The following POLR1B variants were observed in gnomAD, a reference collection of about 807,000 sequenced individuals.
POLR1B encodes the protein RNA polymerase I subunit B, also known as DNA-directed RNA polymerase I subunit RPA2.
A neutral mutation model predicts 105.8 loss-of-function variants in POLR1B; 30 were observed. The ratio of observed to expected loss-of-function variants is 0.28; its 90% CI spans 0.21 to 0.38. The LOEUF is 0.38. Ranked by LOEUF, POLR1B falls within the 10% of genes least tolerant of loss-of-function variation. POLR1B has a pLI of 1.00. For missense variants in POLR1B, 976 were observed against 1,435.8 expected (o/e 0.68, Z 5.17); for synonymous variants, 485 against 505.1 (o/e 0.96, Z 0.53).
chr2:112,569,856 G>C (rs1684500497), intron 12 of POLR1B, among the ~76,000 whole-genome samples: 1 of 151,806 alleles, frequency 6.6e-6, no homozygotes, highest in South Asian at 2.1e-4. Flanking sequence ...ACTGCGCCCG[G>C]CCTCAAATTT....
chr2:112,555,056 C>T (rs1683584597), intron 7 of POLR1B, among the ~76,000 whole-genome samples: 1 of 152,206 alleles, frequency 6.6e-6, no homozygotes, highest in African/African-American at 2.4e-5. Context: ...TGGCATGCTG[C>T]AGCAATTCCA....
Position 112,564,389 on chromosome 2 carries a change from C to G in POLR1B, c.1636C>G (p.Pro546Ala). ...NLGVTPIDGAPHRSYSECYPV... is the reference protein window; with the variant it reads ...NLGVTPIDGAAHRSYSECYPV... The stretch of plus-strand genomic sequence containing the variant: ...AGGGGTCACTCCCATTGATGGAGCT[C>G]CCCACCGATCATACAGTGAGTGCTA... Residue 546 changes from proline (P) to alanine (A), a missense_variant, in exon 10 of 15, where the codon CCC (proline) becomes GCC (alanine). Around this residue, in one of 12 missense-constraint regions of POLR1B, gnomAD observed 184 missense variants for 197.4 expected, o/e 0.93. Coordinates refer to ENST00000263331, the MANE Select transcript of POLR1B (RefSeq NM_019014.6). The G allele has an allele frequency of 6.2e-7, 1 of 1,614,188 alleles. No individual in the cohort carries two copies. The highest frequency in any genetic ancestry group is 8.5e-7 in the Non-Finnish European group (1 of 1,180,018).
In POLR1B at chr2:112,578,649, T is replaced by C. The variant is rs1293717583; in HGVS notation, c.*2920T>C. On this transcript the variant is annotated 3_prime_UTR_variant, in exon 15 of 15. Transcript: ENST00000263331. ...AGCTGATCTGAACAATCAGGTATAA[T>C]AGTCCCCCTTTATCTTTGAAGATTA... Among the ~76,000 whole-genome samples, 3 of 152,204 alleles carry C rather than the reference T, an allele frequency of 2.0e-5. No homozygotes were observed. Among genetic ancestry groups the C allele is most frequent in the East Asian group, 3.8e-4 (2 of 5,204 alleles).
At chr2:112,561,144 G>T (rs981632105) in intron 9 of POLR1B, among the ~76,000 whole-genome samples, 1 of 151,994 alleles carries the variant, frequency 6.6e-6, no homozygotes, top group African/African-American at 2.4e-5. Context: ...AGATTCAGAA[G>T]ATGTAATCAG....
At chr2:112,545,149 A>C (rs560419467) in intron 1 of POLR1B, among the ~76,000 whole-genome samples, 1 of 152,338 alleles carries the variant, frequency 6.6e-6, no homozygotes, top group East Asian at 1.9e-4. Context: ...TAAAGTATTA[A>C]AGTTCTGTAT....
chr2:112,566,817 C>T (rs1463931793), intron 10 of POLR1B, among the ~76,000 whole-genome samples: 2 of 151,730 alleles, frequency 1.3e-5, no homozygotes, highest in Non-Finnish European at 2.9e-5. Context: ...ACTGCAGCCT[C>T]CGCCTCCCAT....
In POLR1B at chr2:112,577,810, C is replaced by G. The variant is rs1189937053; in HGVS notation, c.*2081C>G. On this transcript the variant is annotated 3_prime_UTR_variant, in exon 15 of 15. Coordinates refer to ENST00000263331, the MANE Select transcript of POLR1B (RefSeq NM_019014.6). ...TTGTGCCACCACACTCCAGCCTGGG[C>G]GACAGAATGAGACCCTGTCTCAAAA... Among the ~76,000 whole-genome samples the G allele has an allele frequency of 2.5e-5, 3 of 119,074 alleles. No individual in the cohort carries two copies. Among genetic ancestry groups the G allele is most frequent in the Admixed American group, 1.1e-4 (1 of 8,902 alleles). The allele number at this position is 119,074 out of a possible 152,430, so 78.1% of individuals were successfully genotyped here.
Position 112,577,599 on chromosome 2 carries a change from C to T in POLR1B, c.*1870C>T, listed in dbSNP as rs1356598336. 2.6e-5 allele frequency among the ~76,000 whole-genome samples: 4 copies of T among 151,512 alleles called. No individual in the cohort carries two copies. Among genetic ancestry groups the T allele is most frequent in the Non-Finnish European group, 5.9e-5 (4 of 67,928 alleles). ...GTGTGGTGGCTCACACCCATAATCC[C>T]AACACTTTGGCTCAGCAGATTGCTT... On this transcript the variant is annotated 3_prime_UTR_variant, in exon 15 of 15. Transcript: ENST00000263331.
At chr2:112,543,444 C>T (rs1050184562) in intron 1 of POLR1B, among the ~76,000 whole-genome samples, 4 of 152,178 alleles carry the variant, frequency 2.6e-5, no homozygotes, top group Non-Finnish European at 5.9e-5. Flanking sequence ...GTGTGGGCTA[C>T]TGCGGGAGCC....
In POLR1B at chr2:112,578,532, T is replaced by G. The variant is rs536324741; in HGVS notation, c.*2803T>G. ...TATTGCTACACAGTACTCCATAGTA[T>G]GAATATACTATGTACATAGCATATA... On this transcript the variant is annotated 3_prime_UTR_variant, in exon 15 of 15. Coordinates refer to ENST00000263331, the MANE Select transcript of POLR1B (RefSeq NM_019014.6). 6.6e-6 allele frequency among the ~76,000 whole-genome samples: 1 copy of G among 152,334 alleles called. No homozygotes were observed.
chr2:112,556,974 C>T (rs1476686397), intron 7 of POLR1B, among the ~76,000 whole-genome samples: 1 of 152,184 alleles, frequency 6.6e-6, no homozygotes, highest in Non-Finnish European at 1.5e-5. Context: ...GAAATCCCCT[C>T]TTCTAGCTTT....
intron 5 of POLR1B, 48 bp from the exon 6 acceptor site, chr2:112,551,727 G>A: frequency 7.0e-7 from 1 of 1,431,630 alleles, no homozygotes; most frequent in South Asian, 1.2e-5. Flanking sequence ...AATAGATAAA[G>A]TATTTTAGTT....
rs1478645758 is a variant in POLR1B at position 112,578,750 on chromosome 2, T to G, written c.*3021T>G. Among the ~76,000 whole-genome samples the G allele has an allele frequency of 6.6e-6, 1 of 152,186 alleles. No individual in the cohort carries two copies. The highest frequency in any genetic ancestry group is 1.5e-5 in the Non-Finnish European group (1 of 68,042). On this transcript the variant is annotated 3_prime_UTR_variant, in exon 15 of 15. Transcript: ENST00000263331. ...ATCCATATGTGCTATATGTACTATA[T>G]GTCCTCTATATATTTTTTCTATACA...
upstream of POLR1B, chr2:112,542,326 T>C (rs1332865184): frequency 3.0e-5 from 46 of 1,535,996 alleles, no homozygotes; most frequent in Non-Finnish European, 1.6e-5. Context: ...TGGTTCTACG[T>C]TGACCCCGAG....
chr2:112,547,387 C>T, intron 2 of POLR1B, 34 bp from the exon 3 acceptor site: 1 of 1,599,162 alleles, frequency 6.3e-7, no homozygotes, highest in South Asian at 1.1e-5. Flanking sequence ...GCAGATATTT[C>T]TGTTAAGTAA....
At chr2:112,565,917 A>G (rs1367358239) in intron 10 of POLR1B, among the ~76,000 whole-genome samples, 2 of 152,148 alleles carry the variant, frequency 1.3e-5, no homozygotes, top group Non-Finnish European at 2.9e-5. Flanking sequence ...GAAGCCACCT[A>G]GATGCTGCCA....
chr2:112,558,578 G>C (rs1683792598), intron 8 of POLR1B, among the ~76,000 whole-genome samples: 1 of 151,564 alleles, frequency 6.6e-6, no homozygotes, highest in Non-Finnish European at 1.5e-5. Context: ...AAAAGAGAAT[G>C]ACCCTAGAAA....
Position 112,573,691 on chromosome 2 carries a change from C to T in POLR1B, c.2401C>T (p.Pro801Ser). ...GGTGTTTGGCATCAAACCTGGTGACCCACGCGTTCTGCAGAAGTTAGATGA... is the reference window on the plus strand; with the variant it reads ...GGTGTTTGGCATCAAACCTGGTGACTCACGCGTTCTGCAGAAGTTAGATGA... The part of the protein sequence containing the change: ...SLVFGIKPGD[P>S]RVLQKLDDDG... The change falls in exon 14 of 15, where the codon CCA becomes TCA. Residue 801 changes from proline to serine, a missense_variant. Pro to Ser is a moderately conservative substitution (Grantham distance 74, BLOSUM62 -1). This residue lies in a region of POLR1B where 119 missense variants were observed against 149.7 expected (regional missense o/e 0.79). Coordinates refer to ENST00000263331, the MANE Select transcript of POLR1B (RefSeq NM_019014.6). 1.2e-6 allele frequency: 2 copies of T among 1,614,124 alleles called. No individual in the cohort carries two copies. Among genetic ancestry groups the T allele is most frequent in the Non-Finnish European group, 1.7e-6 (2 of 1,180,034 alleles).
rs979668564 is a variant in POLR1B, at chr2:112,578,796, T to C, written c.*3067T>C. Among the ~76,000 whole-genome samples the C allele has an allele frequency of 5.3e-5, 8 of 152,164 alleles. No homozygotes were observed. The highest frequency in any genetic ancestry group is 4.6e-4 in the Admixed American group (7 of 15,282). ...ATACATACATACCTTTGATGTTTAA[T>C]TAAGCACTGCAAGAAACTGACAGCA... is the stretch of plus-strand genomic sequence containing the variant. On this transcript the variant is annotated 3_prime_UTR_variant, in exon 15 of 15. Transcript: ENST00000263331.
Sources: allele counts gnomAD v4.1 joint callset (sites outside exome capture counted in the v4.1 genomes callset), GRCh38; gene constraint gnomAD v4.1.1; regional missense constraint gnomAD v4.1.1; transcripts MANE v1.5; gene names NCBI Gene and HGNC (gene_info 2026-07-23, HGNC 2026-07-21).